CACNA2D1: variants seen among roughly 807,000 people sequenced by gnomAD.
The protein encoded by CACNA2D1 is calcium voltage-gated channel auxiliary subunit alpha2delta 1.
In CACNA2D1, 53 loss-of-function variants were observed where a neutral mutation model predicts 171.5. The observed-to-expected ratio is 0.31, with a 90% CI of 0.25 to 0.39. The LOEUF is 0.39. Ranked by LOEUF, CACNA2D1 falls within the 10% of genes least tolerant of loss-of-function variation. CACNA2D1 has a pLI of 1.00. For synonymous variants in CACNA2D1, 442 were observed against 443.1 expected (o/e 1.00, Z 0.03); for missense variants, 903 against 1,299.8 (o/e 0.69, Z 4.69).
At chr7:82,390,206 GTCTT>G (rs1824937305) in intron 1 of CACNA2D1, among the ~76,000 whole-genome samples, 1 of 152,118 alleles carries the variant, frequency 6.6e-6, no homozygotes, top group Non-Finnish European at 1.5e-5. Context: ...CCTTTCTAAG[GTCTT>G]AACCTTCCTC....
chr7:82,049,751 C>A (rs1480066734), intron 10 of CACNA2D1, among the ~76,000 whole-genome samples: 1 of 152,172 alleles, frequency 6.6e-6, no homozygotes, highest in African/African-American at 2.4e-5. Flanking sequence ...ACAGGCCCCA[C>A]TTCGATGGCA....
At chr7:82,277,789 A>G (rs1364543052) in intron 3 of CACNA2D1, among the ~76,000 whole-genome samples, 1 of 141,506 alleles carries the variant, frequency 7.1e-6, no homozygotes, top group African/African-American at 2.7e-5. Flanking sequence ...CCTGTCGCTC[A>G]GGCTGGAGTG....
intron 3 of CACNA2D1, among the ~76,000 whole-genome samples, chr7:82,178,721 T>A (rs1400896687): frequency 6.6e-6 from 1 of 152,106 alleles, no homozygotes; most frequent in East Asian, 1.9e-4. Context: ...GCAATATAAT[T>A]ATCCTGAGAC....
intron 24 of CACNA2D1, among the ~76,000 whole-genome samples, chr7:81,979,013 A>G (rs1324691837): frequency 6.6e-6 from 1 of 151,974 alleles, no homozygotes; most frequent in African/African-American, 2.4e-5. Flanking sequence ...AAGTACTGAT[A>G]CGTGCAACAA....
In CACNA2D1 at chr7:82,443,624, G is replaced by C. The variant is rs999031374; in HGVS notation, c.-165C>G. On this transcript the variant is annotated 5_prime_UTR_variant, in exon 1 of 39. Coordinates refer to ENST00000356860, the MANE Select transcript of CACNA2D1 (RefSeq NM_000722.4). ...CGCGGAGCCGCGCGGGGGACGGCAA[G>C]GGCGGGAGCGGACGCCGAGGAAGGG... is the stretch of plus-strand genomic sequence containing the variant. 2.8e-5 allele frequency: 37 copies of C among 1,318,164 alleles called. No homozygotes were observed. Among genetic ancestry groups the C allele is most frequent in the African/African-American group, 2.5e-4 (16 of 64,404 alleles). The allele number at this position is 1,318,164 out of a possible 1,614,324, so 81.7% of individuals were successfully genotyped here.
chr7:82,369,005 C>T (rs910462010), intron 1 of CACNA2D1, among the ~76,000 whole-genome samples: 1 of 152,020 alleles, frequency 6.6e-6, no homozygotes, highest in Non-Finnish European at 1.5e-5. Flanking sequence ...TTTACAGACA[C>T]TTCACTTCCT....
At position 82,443,454 on chromosome 7, in the gene CACNA2D1, A is replaced by C. The variant is rs1426130299; in HGVS notation, c.6T>G (p.Ala2=). The change falls in exon 1 of 39, where the codon GCT becomes GCG. Residue 2 remains alanine (A), a synonymous_variant. Transcript: ENST00000356860. Reference sequence around the variant, plus strand: ...GAGTCAAGGCCAGCAGGCAGCCAGCAGCCATCTTCGCGATCGAAGATCAAT... The same window carrying C: ...GAGTCAAGGCCAGCAGGCAGCCAGCCGCCATCTTCGCGATCGAAGATCAAT... M[A]AGCLLALTLT... is the part of the protein sequence containing the mutation. 2 of 1,607,432 alleles carry C rather than the reference A, an allele frequency of 1.2e-6. No individual in the cohort carries two copies. The highest frequency in any genetic ancestry group is 1.1e-5 in the South Asian group (1 of 90,486).
chr7:82,223,941 T>A (rs1802060621), intron 3 of CACNA2D1, among the ~76,000 whole-genome samples: 1 of 152,136 alleles, frequency 6.6e-6, no homozygotes, highest in Non-Finnish European at 1.5e-5. Context: ...TACTACTACA[T>A]CACCAGCCTC....
intron 6 of CACNA2D1, among the ~76,000 whole-genome samples, chr7:82,102,082 G>C (rs2129036894): frequency 6.6e-6 from 1 of 152,232 alleles, no homozygotes; most frequent in South Asian, 2.1e-4. Context: ...AAGAGAGTAA[G>C]CTGTGGGTTT....
At chr7:81,955,718 AAAG>A (rs879319880) in intron 38 of CACNA2D1, among the ~76,000 whole-genome samples, 16 of 152,002 alleles carry the variant, frequency 1.1e-4, no homozygotes, top group Admixed American at 3.9e-4. Context: ...TTTATTAATC[AAAG>A]AAGTAAAGCA....
intron 3 of CACNA2D1, among the ~76,000 whole-genome samples, chr7:82,322,731 G>C (rs1816149389): frequency 6.6e-6 from 1 of 152,088 alleles, no homozygotes; most frequent in African/African-American, 2.4e-5. Context: ...ATTTTTTAAA[G>C]AATCATAGAA....
intron 24 of CACNA2D1, 29 bp from the exon 25 acceptor site, chr7:81,974,581 A>T (rs200873673): frequency 8.4e-7 from 1 of 1,184,920 alleles, no homozygotes; most frequent in Non-Finnish European, 1.2e-6. Flanking sequence ...GAGATATTAG[A>T]TATTAAAATC....
chr7:81,957,063 ATTTT>A (rs1378924107), intron 38 of CACNA2D1, among the ~76,000 whole-genome samples: 1 of 152,174 alleles, frequency 6.6e-6, no homozygotes, highest in African/African-American at 2.4e-5. Flanking sequence ...AGTCAGATTT[ATTTT>A]AAAAAGTAGA....
At chr7:82,105,539 A>G (rs1288036273) in intron 6 of CACNA2D1, among the ~76,000 whole-genome samples, 1 of 151,176 alleles carries the variant, frequency 6.6e-6, no homozygotes, top group Non-Finnish European at 1.5e-5. Flanking sequence ...TAGATTAAAT[A>G]GAGGAGCCAT....
chr7:82,316,855 C>A (rs1254280953), intron 3 of CACNA2D1, among the ~76,000 whole-genome samples: 1 of 152,160 alleles, frequency 6.6e-6, no homozygotes, highest in Non-Finnish European at 1.5e-5. Context: ...GTCACTACCA[C>A]AAGAACAGTT....
intron 3 of CACNA2D1, among the ~76,000 whole-genome samples, chr7:82,241,872 G>C (rs974448765): frequency 6.6e-6 from 1 of 152,212 alleles, no homozygotes; most frequent in African/African-American, 2.4e-5. Flanking sequence ...CGGTAAATTT[G>C]TGTCATTTTT....
chr7:82,334,841 T>C (rs904542750), intron 3 of CACNA2D1, among the ~76,000 whole-genome samples: 7 of 152,140 alleles, frequency 4.6e-5, no homozygotes, highest in African/African-American at 1.7e-4. Flanking sequence ...GATGTACATA[T>C]GGATTTAAAC....
At chr7:82,072,265 GTGA>G (rs1409043183) in intron 7 of CACNA2D1, among the ~76,000 whole-genome samples, 1 of 151,862 alleles carries the variant, frequency 6.6e-6, no homozygotes, top group Non-Finnish European at 1.5e-5. Context: ...AACACTTGAG[GTGA>G]TGAATACCCC....
In CACNA2D1 at chr7:82,303,094, T is replaced by C. The variant is rs34434397; in HGVS notation, c.294+32041A>G. On this transcript the variant is annotated intron_variant, in intron 3 of 38. Coordinates refer to ENST00000356860, the MANE Select transcript of CACNA2D1 (RefSeq NM_000722.4). Reference sequence around the variant, plus strand: ...CTGCAAGCTCCGCCTCCTGGGTTCATGCCATTCTCCCGCCTCAGCCTCCTG... The same window carrying C: ...CTGCAAGCTCCGCCTCCTGGGTTCACGCCATTCTCCCGCCTCAGCCTCCTG... Among the ~76,000 whole-genome samples the C allele has an allele frequency of 3.0e-3, 455 of 152,056 alleles. 1 individual carries two copies. Among genetic ancestry groups the C allele is most frequent in the Admixed American group, 5.4e-3 (83 of 15,288 alleles).
Sources: gnomAD v4.1 joint callset for allele counts (sites outside exome capture counted in the v4.1 genomes callset) on GRCh38, gnomAD v4.1.1 for gene constraint, MANE v1.5 for transcripts, NCBI Gene and HGNC (gene_info 2026-07-23, HGNC 2026-07-21) for gene names.